NRG1: variants seen among roughly 807,000 people sequenced by gnomAD.
The protein encoded by NRG1 is pro-neuregulin-1, membrane-bound isoform.
A neutral mutation model predicts 63.8 loss-of-function variants in NRG1; 18 were observed. That is an observed-to-expected ratio of 0.28 (90% CI 0.19 to 0.42). NRG1 has a LOEUF of 0.42. Ranked by LOEUF, NRG1 falls within the 10% of genes least tolerant of loss-of-function variation. NRG1 has a pLI of 1.00. For synonymous variants in NRG1, 302 were observed against 301.3 expected (o/e 1.00, Z -0.02); for missense variants, 762 against 814.7 (o/e 0.94, Z 0.79).
chr8:32,076,667 A>G (rs1826611468), intron 1 of NRG1, among the ~76,000 whole-genome samples: 1 of 151,806 alleles, frequency 6.6e-6, no homozygotes, highest in Non-Finnish European at 1.5e-5. Flanking sequence ...ACAAACCCCC[A>G]TGACACAAGT....
intron 1 of NRG1, among the ~76,000 whole-genome samples, chr8:31,865,506 A>G (rs1260809440): frequency 1.3e-5 from 2 of 152,074 alleles, no homozygotes; most frequent in East Asian, 1.9e-4. Flanking sequence ...TCCATGTGTC[A>G]TGGGAGAGAC....
At chr8:31,982,998 T>G (rs1809419445) in intron 1 of NRG1, among the ~76,000 whole-genome samples, 1 of 152,102 alleles carries the variant, frequency 6.6e-6, no homozygotes, top group Non-Finnish European at 1.5e-5. Context: ...TGCCTTCTCT[T>G]CATCATATAG....
intron 1 of NRG1, among the ~76,000 whole-genome samples, chr8:31,748,602 A>G (rs1816132890): frequency 6.6e-6 from 1 of 151,940 alleles, no homozygotes. Context: ...TTAGTCCAAG[A>G]CCTAGATACA....
chr8:31,766,394 G>C (rs75100929), intron 1 of NRG1, among the ~76,000 whole-genome samples: 2,661 of 152,158 alleles, frequency 0.017, 88 homozygotes, highest in African/African-American at 0.061. Flanking sequence ...TGACTTCTTT[G>C]GAAAGAGAAA....
intron 5 of NRG1, among the ~76,000 whole-genome samples, chr8:32,672,883 C>G (rs540863050): frequency 6.6e-6 from 1 of 152,258 alleles, no homozygotes; most frequent in African/African-American, 2.4e-5. Flanking sequence ...GATGCCATCT[C>G]TCTCACTCTT....
chr8:32,244,091 G>T (rs1586341216), intron 1 of NRG1, among the ~76,000 whole-genome samples: 1 of 152,134 alleles, frequency 6.6e-6, no homozygotes, highest in Non-Finnish European at 1.5e-5. Context: ...GATCCCATTG[G>T]TAGTGCTCAG....
chr8:32,347,798 A>C (rs1299445554), intron 1 of NRG1, among the ~76,000 whole-genome samples: 1 of 152,198 alleles, frequency 6.6e-6, no homozygotes, highest in East Asian at 1.9e-4. Context: ...GAGGGTGATG[A>C]GGGTGATGGG....
intron 1 of NRG1, among the ~76,000 whole-genome samples, chr8:32,447,435 T>G (rs12707703): frequency 1.3e-5 from 2 of 151,942 alleles, no homozygotes. Flanking sequence ...AGCTAATCAC[T>G]GTGGGAAACA....
At chr8:32,277,255 A>ATAT (rs1659117490) in intron 1 of NRG1, among the ~76,000 whole-genome samples, 2 of 152,254 alleles carry the variant, frequency 1.3e-5, no homozygotes, top group African/African-American at 4.8e-5. Flanking sequence ...AATTCATTTA[A>ATAT]TATTTTTAAA....
chr8:32,084,603 G>A (rs564105879), intron 1 of NRG1, among the ~76,000 whole-genome samples: 28 of 152,278 alleles, frequency 1.8e-4, no homozygotes, highest in African/African-American at 6.5e-4. Context: ...ACTTAAAGAT[G>A]TTTTGTTTTG....
Position 32,138,050 on chromosome 8 carries a change from T to C in NRG1, c.38-457778T>C, listed in dbSNP as rs2131696985. On this transcript the variant is annotated intron_variant, in intron 1 of 10. Transcript: ENST00000519301. ...GGATTTTCATATGGTGGAAGAATGT[T>C]AGGTGTCCTTGTTGGAGAAGAGAGG... Among the ~76,000 whole-genome samples the C allele has an allele frequency of 1.3e-5, 2 of 152,246 alleles. 1 individual carries two copies. Among genetic ancestry groups the C allele is most frequent in the South Asian group, 4.1e-4 (2 of 4,832 alleles).
At chr8:31,772,835 C>T (rs1818762230) in intron 1 of NRG1, among the ~76,000 whole-genome samples, 1 of 152,140 alleles carries the variant, frequency 6.6e-6, no homozygotes, top group Admixed American at 6.5e-5. Flanking sequence ...TGCAGACATA[C>T]CAAACAAGCC....
chr8:32,314,931 T>A (rs1857215766), intron 1 of NRG1, among the ~76,000 whole-genome samples: 1 of 152,216 alleles, frequency 6.6e-6, no homozygotes, highest in Non-Finnish European at 1.5e-5. Flanking sequence ...TGACTGATTC[T>A]CACCACCACC....
At chr8:32,630,687 C>A (rs1204709584) in intron 5 of NRG1, among the ~76,000 whole-genome samples, 2 of 142,120 alleles carry the variant, frequency 1.4e-5, no homozygotes, top group African/African-American at 2.6e-5. Context: ...GTTAAGTTTT[C>A]TTTTTTCTAT....
chr8:32,571,267 C>G (rs1838535413), intron 1 of NRG1, among the ~76,000 whole-genome samples: 3 of 152,202 alleles, frequency 2.0e-5, no homozygotes, highest in Admixed American at 2.0e-4. Flanking sequence ...ATTCCTTACT[C>G]ACCAGAAATG....
chr8:32,037,739 A>G (rs2130595152), intron 1 of NRG1, among the ~76,000 whole-genome samples: 1 of 152,214 alleles, frequency 6.6e-6, no homozygotes, highest in Non-Finnish European at 1.5e-5. Context: ...CGCTGTGGGG[A>G]ATTGCTCCCG....
chr8:32,415,288 G>T (rs1304597779), intron 1 of NRG1, among the ~76,000 whole-genome samples: 1 of 150,448 alleles, frequency 6.6e-6, no homozygotes. Context: ...CGTGCCTGTA[G>T]TCCCAGCTAC....
intron 1 of NRG1, among the ~76,000 whole-genome samples, chr8:32,130,240 T>C (rs1834631940): frequency 6.6e-6 from 1 of 151,918 alleles, no homozygotes; most frequent in East Asian, 1.9e-4. Context: ...CTAAGCCTCA[T>C]ATTATGAAAA....
At chr8:32,544,000 T>A (rs1368852904), upstream of NRG1, among the ~76,000 whole-genome samples, 1 of 152,166 alleles carries the variant, frequency 6.6e-6, no homozygotes, top group African/African-American at 2.4e-5. Flanking sequence ...TCCTTTCACC[T>A]CAATTTCCTC....
Sources: gnomAD v4.1 joint callset for allele counts (sites outside exome capture counted in the v4.1 genomes callset) on GRCh38, gnomAD v4.1.1 for gene constraint, MANE v1.5 for transcripts, NCBI Gene and HGNC (gene_info 2026-07-23, HGNC 2026-07-21) for gene names.